Variants in CSNK1G2 observed in about 807,000 individuals in gnomAD.
CSNK1G2 encodes the protein casein kinase 1 gamma 2.
Under a neutral mutation model 48.0 loss-of-function variants are expected in CSNK1G2, and 11 were observed. The observed-to-expected ratio is 0.23, with a 90% CI of 0.14 to 0.38. The LOEUF is 0.38. CSNK1G2 is among the 10% of genes least tolerant of loss of function. The pLI is 1.00. For missense variants in CSNK1G2, 446 were observed against 595.5 expected, an observed-to-expected ratio of 0.75 and a Z score of 2.61; for synonymous variants, 337 against 254.1, an observed-to-expected ratio of 1.33 and a Z score of -3.10.
chr19:1,966,701 G>A (rs555063078), intron 1 of CSNK1G2, among the ~76,000 whole-genome samples: 31 of 152,040 alleles, frequency 2.0e-4, no homozygotes, highest in Non-Finnish European at 2.9e-4. Flanking sequence ...GTCCATCGCT[G>A]TGGCCAACTT....
In CSNK1G2 at chr19:1,978,796, G is replaced by A. The variant is rs1418550245; in HGVS notation, c.447+46G>A. On this transcript the variant is annotated intron_variant, in intron 5 of 11. Coordinates refer to ENST00000255641, the MANE Select transcript of CSNK1G2 (RefSeq NM_001319.7). The surrounding 1 kb of genome is among the most constrained non-coding windows in gnomAD (Gnocchi z 7.3). Reference sequence around the variant, plus strand: ...GGCGGGGCTCGGAGGGAAGAGGGTGGCCCTGGAGGGGAGCGCGTGGGACGG... The same window carrying A: ...GGCGGGGCTCGGAGGGAAGAGGGTGACCCTGGAGGGGAGCGCGTGGGACGG... The A allele has an allele frequency of 1.3e-6, 2 of 1,581,642 alleles. No individual in the cohort carries two copies. Among genetic ancestry groups the A allele is most frequent in the Non-Finnish European group, 1.7e-6 (2 of 1,166,024 alleles).
At chr19:1,954,289 G>A in intron 1 of CSNK1G2, 1 of 246,036 alleles carries the variant, frequency 4.1e-6, no homozygotes, top group South Asian at 4.5e-5. Context: ...AGTATGTGCT[G>A]CCCTGGTGTT....
At chr19:1,952,946 G>A (rs1182002087) in intron 1 of CSNK1G2, 7 of 438,598 alleles carry the variant, frequency 1.6e-5, no homozygotes, top group African/African-American at 8.7e-5. Flanking sequence ...GCGGGATGTC[G>A]CCCGGCGGCT....
Position 1,945,509 on chromosome 19 carries a change from G to A in CSNK1G2, c.-266+4091G>A, listed in dbSNP as rs539215716. 1.5e-3 allele frequency among the ~76,000 whole-genome samples: 236 copies of A among 152,318 alleles called. 1 individual carries two copies. Among genetic ancestry groups the A allele is most frequent in the Non-Finnish European group, 2.7e-3 (185 of 68,012 alleles). ...GCACCGTGAGGCCCGAGACAGTTTC[G>A]CGTGACATCATGTTGAAAACAGCCA... On this transcript the variant is annotated intron_variant, in intron 1 of 11. Transcript: ENST00000255641.
chr19:1,979,110 C>CGG lies in CSNK1G2; in HGVS notation c.682+18_682+19dup, dbSNP rs937901679. The CGG allele has an allele frequency of 3.8e-6, 6 of 1,580,604 alleles. No individual in the cohort carries two copies. The highest frequency in any genetic ancestry group is 5.1e-6 in the Non-Finnish European group (6 of 1,167,992). ...TGGGCAAGGGTGAGCTGCGCGCGCGCGGCGGGGGGCGGGCGCCCGGACCCC... is the reference window on the plus strand; with the variant it reads ...TGGGCAAGGGTGAGCTGCGCGCGCGCGGGGCGGGGGGCGGGCGCCCGGACCCC... On this transcript the variant is annotated intron_variant, in intron 6 of 11. Transcript: ENST00000255641.
chr19:1,958,608 C>T lies in CSNK1G2; in HGVS notation c.-265-10900C>T, dbSNP rs1417634577. Among the ~76,000 whole-genome samples the T allele has an allele frequency of 6.0e-3, 699 of 115,566 alleles. 6 individuals are homozygous for T. The highest frequency in any genetic ancestry group is 0.022 in the African/African-American group (652 of 29,846). The allele number at this position is 115,566 out of a possible 152,430, so 75.8% of individuals were successfully genotyped here. ...GTCCCCCGTCCCCCTGTCCCCCCGTCCCCCCGTCCAGGGCCGCAGCAGCTC... is the reference window on the plus strand; with the variant it reads ...GTCCCCCGTCCCCCTGTCCCCCCGTTCCCCCGTCCAGGGCCGCAGCAGCTC... On this transcript the variant is annotated intron_variant, in intron 1 of 11. Coordinates refer to ENST00000255641, the MANE Select transcript of CSNK1G2 (RefSeq NM_001319.7).
chr19:1,955,496 C>T (rs544552122), intron 1 of CSNK1G2, among the ~76,000 whole-genome samples: 8 of 147,446 alleles, frequency 5.4e-5, no homozygotes, highest in Admixed American at 1.3e-4. Context: ...CGAGGCTCCG[C>T]GGGGTGGGCG....
intron 1 of CSNK1G2, among the ~76,000 whole-genome samples, chr19:1,955,730 C>T (rs576055697): frequency 2.0e-5 from 3 of 152,146 alleles, no homozygotes; most frequent in African/African-American, 2.4e-5. Context: ...AGCGGACCCC[C>T]GTGCCACTGC....
At chr19:1,975,788 C>A (rs1474601157) in intron 2 of CSNK1G2, 1 of 981,644 alleles carries the variant, frequency 1.0e-6, no homozygotes, top group East Asian at 1.1e-4. Context: ...GTAATCCCAA[C>A]ACTTTGGGAG....
intron 1 of CSNK1G2, among the ~76,000 whole-genome samples, chr19:1,967,757 C>CGAGGCTCCTTGCTGGGGA (rs2015414925): frequency 1.2e-5 from 1 of 80,092 alleles, no homozygotes; most frequent in African/African-American, 8.4e-5. Flanking sequence ...CCAGGCTGCC[C>CGAGGCTCCTTGCTGGGGA]CCGACCACCC....
chr19:1,976,740 T>G (rs553687372), intron 2 of CSNK1G2, among the ~76,000 whole-genome samples: 246 of 116,620 alleles, frequency 2.1e-3, no homozygotes, highest in African/African-American at 7.3e-3. Context: ...TTTCTTGCTT[T>G]CTTTTTTTTT....
intron 11 of CSNK1G2, 54 bp downstream of exon 11, chr19:1,980,071 G>C (rs1479042957): frequency 6.3e-7 from 1 of 1,596,294 alleles, no homozygotes; most frequent in Non-Finnish European, 8.5e-7. Flanking sequence ...GGGTCCCCAT[G>C]GGGGTGGGAG....
At chr19:1,954,465 G>T (rs1020291388) in intron 1 of CSNK1G2, 1 of 158,850 alleles carries the variant, frequency 6.3e-6, no homozygotes, top group Non-Finnish European at 1.4e-5. Flanking sequence ...TCTGCGGCCG[G>T]GTCCACATGA....
chr19:1,964,315 A>C (rs202193604), intron 1 of CSNK1G2, among the ~76,000 whole-genome samples: 360 of 145,982 alleles, frequency 2.5e-3, no homozygotes, highest in African/African-American at 9.4e-3. Flanking sequence ...AAAAAAAACC[A>C]GGTTCAAGGT....
At chr19:1,967,876 GC>G (rs1286990044) in intron 1 of CSNK1G2, among the ~76,000 whole-genome samples, 1 of 32,120 alleles carries the variant, frequency 3.1e-5, no homozygotes, top group Admixed American at 2.6e-4. Flanking sequence ...TCCCCAGGCT[GC>G]CCCCGACCAC....
chr19:1,971,931 G>A (rs376747715), intron 2 of CSNK1G2, among the ~76,000 whole-genome samples: 12 of 152,174 alleles, frequency 7.9e-5, no homozygotes, highest in Admixed American at 3.3e-4. Flanking sequence ...CACCACACCC[G>A]GCTAATATTT....
chr19:1,967,251 C>T (rs571800349), intron 1 of CSNK1G2, among the ~76,000 whole-genome samples: 55 of 152,288 alleles, frequency 3.6e-4, no homozygotes, highest in African/African-American at 1.3e-3. Context: ...CCGGTGCCTT[C>T]GTTTCTGATG....
intron 2 of CSNK1G2, among the ~76,000 whole-genome samples, chr19:1,974,086 C>T (rs2015669941): frequency 1.3e-5 from 2 of 152,038 alleles, no homozygotes; most frequent in South Asian, 2.1e-4. Flanking sequence ...CAGGGTTTCA[C>T]TGTGTGTTGG....
At chr19:1,966,356 T>C (rs980531888) in intron 1 of CSNK1G2, among the ~76,000 whole-genome samples, 6 of 152,170 alleles carry the variant, frequency 3.9e-5, no homozygotes, top group South Asian at 2.1e-4. Context: ...GAGGAGGGAC[T>C]GTAGAGGTTT....
Sources: allele counts gnomAD v4.1 joint callset (sites outside exome capture counted in the v4.1 genomes callset), GRCh38; gene constraint gnomAD v4.1.1; non-coding constraint Gnocchi (gnomAD v3.1); transcripts MANE v1.5; gene names NCBI Gene and HGNC (gene_info 2026-07-23, HGNC 2026-07-21).